RAD51B: variants seen among roughly 807,000 people sequenced by gnomAD.
RAD51B encodes RAD51 paralog B.
Under a neutral mutation model 42.2 loss-of-function variants are expected in RAD51B, and 38 were observed. That is an observed-to-expected ratio of 0.90 (90% CI 0.70 to 1.18). The LOEUF (loss-of-function observed/expected upper bound fraction) is 1.18, where lower values mean the gene tolerates loss of function less well. RAD51B is among the 50% of genes most tolerant of loss of function. The probability of loss-of-function intolerance (pLI) is 0.00; values close to 1 mark genes in which losing one functional copy is unlikely to be tolerated. For missense variants in RAD51B, 373 were observed against 400.7 expected (o/e 0.93, Z 0.59); for synonymous variants, 154 against 145.2 (o/e 1.06, Z -0.43).
intron 5 of RAD51B, among the ~76,000 whole-genome samples, chr14:67,884,891 A>G (rs1294849521): frequency 6.6e-6 from 1 of 152,114 alleles, no homozygotes; most frequent in African/African-American, 2.4e-5. Context: ...ATCATAGCAA[A>G]TGTAAGGACT....
At chr14:68,475,786 C>A (rs1431302209) in intron 10 of RAD51B, among the ~76,000 whole-genome samples, 6 of 152,026 alleles carry the variant, frequency 3.9e-5, no homozygotes, top group African/African-American at 1.4e-4. Flanking sequence ...ATTTACATTT[C>A]TCTTTTAGAA....
At chr14:68,260,298 C>CGTGTGTGTGTGTGTGTGT (rs71281749) in intron 7 of RAD51B, among the ~76,000 whole-genome samples, 980 of 96,636 alleles carry the variant, frequency 0.01, 143 homozygotes, top group African/African-American at 0.051. Flanking sequence ...GCTGAGAGAC[C>CGTGTGTGTGTGTGTGTGT]GTGTGTGTGT....
At chr14:68,644,781 A>T (rs1176593147) in intron 10 of RAD51B, among the ~76,000 whole-genome samples, 1 of 152,082 alleles carries the variant, frequency 6.6e-6, no homozygotes, top group African/African-American at 2.4e-5. Context: ...TCATCTCCAC[A>T]AAAGTCTTAT....
At chr14:68,272,651 A>G (rs1595638732) in intron 7 of RAD51B, among the ~76,000 whole-genome samples, 1 of 13,716 alleles carries the variant, frequency 7.3e-5, no homozygotes, top group African/African-American at 4.1e-4. Flanking sequence ...ATATATATAT[A>G]TATATATATA....
At chr14:68,271,159 A>G (rs2081097454) in intron 7 of RAD51B, among the ~76,000 whole-genome samples, 1 of 152,264 alleles carries the variant, frequency 6.6e-6, no homozygotes, top group East Asian at 1.9e-4. Context: ...ATCATTTGTC[A>G]TTTATTACGT....
At chr14:68,076,827 A>G (rs191612033) in intron 7 of RAD51B, among the ~76,000 whole-genome samples, 2 of 152,360 alleles carry the variant, frequency 1.3e-5, no homozygotes, top group African/African-American at 2.4e-5. Flanking sequence ...ATTTAAGAAT[A>G]TAAGAAATGA....
chr14:67,988,447 A>G (rs1298569240), intron 7 of RAD51B, among the ~76,000 whole-genome samples: 1 of 152,152 alleles, frequency 6.6e-6, no homozygotes, highest in East Asian at 1.9e-4. Flanking sequence ...CAACAGAACA[A>G]CACTCCATCT....
intron 7 of RAD51B, among the ~76,000 whole-genome samples, chr14:67,962,091 A>G (rs971753209): frequency 3.3e-5 from 5 of 152,234 alleles, no homozygotes; most frequent in South Asian, 2.1e-4. Flanking sequence ...AACAGATGAT[A>G]TAGAACTAGT....
At chr14:67,849,002 T>C (rs1438956895) in intron 4 of RAD51B, among the ~76,000 whole-genome samples, 1 of 152,208 alleles carries the variant, frequency 6.6e-6, no homozygotes, top group African/African-American at 2.4e-5. Flanking sequence ...TCTCTCTTGC[T>C]TCCTTCAAGA....
chr14:68,289,249 A>G (rs934732305), intron 7 of RAD51B, among the ~76,000 whole-genome samples: 8 of 152,202 alleles, frequency 5.3e-5, no homozygotes, highest in Non-Finnish European at 1.0e-4. Context: ...AATATTTACT[A>G]TGTGTCAGAT....
chr14:68,341,824 A>G (rs2082578169), intron 8 of RAD51B, among the ~76,000 whole-genome samples: 1 of 152,190 alleles, frequency 6.6e-6, no homozygotes, highest in African/African-American at 2.4e-5. Flanking sequence ...GGGGTGGAGC[A>G]GTTCTCCAAA....
intron 7 of RAD51B, among the ~76,000 whole-genome samples, chr14:68,234,537 T>C (rs2080208556): frequency 1.3e-5 from 2 of 152,360 alleles, no homozygotes; most frequent in South Asian, 4.1e-4. Flanking sequence ...CAGCCTGTTA[T>C]TCCTGGGCAG....
chr14:68,052,590 T>G (rs1346280690), intron 7 of RAD51B, among the ~76,000 whole-genome samples: 2 of 151,822 alleles, frequency 1.3e-5, no homozygotes, highest in African/African-American at 4.8e-5. Context: ...GTCTTCATTT[T>G]ATCTGTCTCA....
chr14:68,637,952 A>T (rs1238341305), intron 10 of RAD51B, among the ~76,000 whole-genome samples: 1 of 152,216 alleles, frequency 6.6e-6, no homozygotes, highest in East Asian at 1.9e-4. Context: ...TTTGCTTCTT[A>T]CCATAGCTGG....
intron 1 of RAD51B, 132 bp from the exon 2 acceptor site, chr14:67,823,410 C>G (rs538778617): frequency 4.7e-5 from 29 of 622,040 alleles, no homozygotes; most frequent in Non-Finnish European, 6.8e-5. Flanking sequence ...ATTTTTAACA[C>G]AATATGTTTC....
intron 7 of RAD51B, among the ~76,000 whole-genome samples, chr14:68,109,488 A>G (rs2077427496): frequency 6.6e-6 from 1 of 152,070 alleles, no homozygotes; most frequent in South Asian, 2.1e-4. Context: ...GGAAATAAGA[A>G]GCTTACTAGA....
At chr14:68,070,668 TTAGTTACTGTAGCCTTG>T (rs1169788966) in intron 7 of RAD51B, among the ~76,000 whole-genome samples, 4 of 152,226 alleles carry the variant, frequency 2.6e-5, no homozygotes, top group Non-Finnish European at 4.4e-5. Flanking sequence ...CCATGCTGTT[TTAGTTACTGTAGCCTTG>T]TAGTATAGTT....
chr14:68,433,316 C>T (rs973985914), intron 9 of RAD51B, among the ~76,000 whole-genome samples: 5 of 152,116 alleles, frequency 3.3e-5, no homozygotes, highest in Non-Finnish European at 5.9e-5. Flanking sequence ...TGGAGAAGTT[C>T]TCCTGGGTAA....
intron 10 of RAD51B, chr14:68,540,610 C>T (rs1374325599): frequency 2.0e-6 from 2 of 984,914 alleles, no homozygotes; most frequent in African/African-American, 3.5e-5. Context: ...TATAATGACA[C>T]CCCCCAACCC....
Sources: gnomAD v4.1 joint callset for allele counts (sites outside exome capture counted in the v4.1 genomes callset) on GRCh38, gnomAD v4.1.1 for gene constraint, MANE v1.5 for transcripts, NCBI Gene and HGNC (gene_info 2026-07-23, HGNC 2026-07-21) for gene names.